Variants in KIF1A observed in about 807,000 individuals in gnomAD.
KIF1A encodes kinesin family member 1A.
Under a neutral mutation model 227.3 loss-of-function variants are expected in KIF1A, and 46 were observed. That is an observed-to-expected ratio of 0.20 (90% CI 0.16 to 0.26). KIF1A has a LOEUF of 0.26. KIF1A is among the 10% of genes least tolerant of loss of function. The pLI, the probability that KIF1A is intolerant of heterozygous loss-of-function variation, is 1.00. For synonymous variants in KIF1A, 1,022 were observed against 1,012.8 expected (o/e 1.01, Z -0.17); for missense variants, 1,683 against 2,485.9 (o/e 0.68, Z 6.87).
intron 1 of KIF1A, among the ~76,000 whole-genome samples, chr2:240,812,860 C>T (rs62187840): frequency 0.03 from 4,293 of 143,936 alleles, no homozygotes; most frequent in Non-Finnish European, 0.047. Context: ...GCCTTCACCT[C>T]GGGGATCAGC....
chr2:240,797,457 C>A (rs1488422716), intron 2 of KIF1A, among the ~76,000 whole-genome samples, 190 bp downstream of exon 2: 2 of 152,168 alleles, frequency 1.3e-5, no homozygotes, highest in African/African-American at 4.8e-5. Flanking sequence ...GCGTAAATCT[C>A]TATTCTTATA....
At chr2:240,807,078 A>ATGTGTGTGTGTG in intron 1 of KIF1A, among the ~76,000 whole-genome samples, 1 of 95,254 alleles carries the variant, frequency 1.0e-5, no homozygotes, top group East Asian at 3.5e-4. Flanking sequence ...CCTCATATAT[A>ATGTGTGTGTGTG]TGTGTGTGTG....
chr2:240,734,652 G>T, intron 38 of KIF1A: 1 of 1,217,230 alleles, frequency 8.2e-7, no homozygotes, highest in Non-Finnish European at 1.1e-6. Context: ...GGCGGTCAGG[G>T]GAGGAGCAGG....
intron 1 of KIF1A, among the ~76,000 whole-genome samples, chr2:240,802,096 G>GAAAAAAAA: frequency 9.8e-6 from 1 of 101,674 alleles, no homozygotes; most frequent in Non-Finnish European, 2.2e-5. Flanking sequence ...AAGTCAGCCA[G>GAAAAAAAA]AAAAAAAAAA....
chr2:240,762,682 T>A, intron 23 of KIF1A, 37 bp downstream of exon 23: 1 of 1,535,912 alleles, frequency 6.5e-7, no homozygotes, highest in Non-Finnish European at 8.8e-7. Flanking sequence ...GCTGAGACCC[T>A]CCTGACGCAG....
At chr2:240,737,266 C>T (rs191143996) in intron 37 of KIF1A, 98 bp from the exon 38 acceptor site, 110 of 890,282 alleles carry the variant, frequency 1.2e-4, no homozygotes, top group Middle Eastern at 4.3e-4. Context: ...AGCCAGCTCC[C>T]CACATGGTCA....
At position 240,757,640 on chromosome 2, in the gene KIF1A, C is replaced by T. The variant is rs751395611; in HGVS notation, c.2583-46G>A. 16 of 1,538,702 alleles carry T rather than the reference C, an allele frequency of 1.0e-5. No homozygotes were observed. In the African/African-American group the frequency reaches 1.2e-4, roughly 12 times the overall value. On this transcript the variant is annotated intron_variant, in intron 26 of 48. Coordinates refer to ENST00000498729, the MANE Select transcript of KIF1A (RefSeq NM_001244008.2). This position sits in a 1 kb window ranked among gnomAD's most constrained non-coding sequence, Gnocchi z 6.2. ...CAGAGAGAAGTTAACACCAGCGACT[C>T]GCAGGGACGAACAGGGGCCGGGGCC... is the stretch of plus-strand genomic sequence containing the variant.
intron 38 of KIF1A, among the ~76,000 whole-genome samples, chr2:240,731,477 A>G (rs1371967805): frequency 3.3e-5 from 5 of 152,200 alleles, no homozygotes; most frequent in Non-Finnish European, 7.4e-5. Context: ...CCACCCCTGA[A>G]GTTGTGCCAG....
rs1240334458 is a variant in KIF1A, at chr2:240,793,025, A to AG, written c.107-3714dup. On this transcript the variant is annotated intron_variant, in intron 2 of 48. Coordinates refer to ENST00000498729, the MANE Select transcript of KIF1A (RefSeq NM_001244008.2). This position sits in a 1 kb window ranked among gnomAD's most constrained non-coding sequence, Gnocchi z 4.8. The stretch of plus-strand genomic sequence containing the variant: ...GACCTCCGAGTCTGGCCTCCAGAAC[A>AG]GGGGGGGGACATTTCTGTCATTTGA... 1.4e-4 allele frequency among the ~76,000 whole-genome samples: 21 copies of AG among 147,396 alleles called. No individual in the cohort carries two copies. The highest frequency in any genetic ancestry group is 3.4e-3 in the Middle Eastern group (1 of 290).
chr2:240,799,314 G>C (rs575021410), intron 1 of KIF1A, among the ~76,000 whole-genome samples: 1 of 152,340 alleles, frequency 6.6e-6, no homozygotes, highest in East Asian at 1.9e-4. Flanking sequence ...CCTGGACCTT[G>C]CCCAGGCCAC....
intron 1 of KIF1A, chr2:240,819,089 C>G (rs546838364): frequency 6.6e-6 from 1 of 152,184 alleles, no homozygotes; most frequent in African/African-American, 2.4e-5. Flanking sequence ...CGGCAGGGCC[C>G]CCCCAACCCC....
At chr2:240,819,874 C>G (rs1295516003) in intron 1 of KIF1A, among the ~76,000 whole-genome samples, 1 of 152,222 alleles carries the variant, frequency 6.6e-6, no homozygotes, top group Admixed American at 6.5e-5. Flanking sequence ...GCAAAGGGAC[C>G]TTTTCCAGCG....
intron 38 of KIF1A, among the ~76,000 whole-genome samples, chr2:240,732,156 AGGGG>A (rs2046756624): frequency 1.1e-4 from 4 of 36,530 alleles, no homozygotes; most frequent in African/African-American, 1.1e-4. Context: ...ATTGGGGAGG[AGGGG>A]AGGAGAGGAT....
chr2:240,757,287 C>T lies in KIF1A; in HGVS notation c.2858+32G>A. On this transcript the variant is annotated intron_variant, in intron 27 of 48. Transcript: ENST00000498729. The surrounding 1 kb of genome is among the most constrained non-coding windows in gnomAD (Gnocchi z 6.2). ...TGCTCCTGTGCAAAAGAGCTGGGTC[C>T]TCCCCAGCATGCTCTCCTCGACCTC... The T allele has an allele frequency of 2.0e-6, 3 of 1,536,998 alleles. No individual in the cohort carries two copies. The highest frequency in any genetic ancestry group is 2.4e-5 in the East Asian group (1 of 40,838).
At chr2:240,762,913 G>T in intron 22 of KIF1A, 101 bp from the exon 23 acceptor site, 1 of 1,377,874 alleles carries the variant, frequency 7.3e-7, no homozygotes. Flanking sequence ...CTGTTTAGAT[G>T]CAAGAGATGG....
chr2:240,787,704 C>T (rs1212338974), intron 4 of KIF1A, among the ~76,000 whole-genome samples: 5 of 152,146 alleles, frequency 3.3e-5, no homozygotes, highest in Non-Finnish European at 7.4e-5. Context: ...TGGTGTTTGG[C>T]CACCCCTGTC....
intron 33 of KIF1A, 104 bp from the exon 34 acceptor site, chr2:240,743,088 C>T: frequency 1.1e-6 from 1 of 870,728 alleles, no homozygotes; most frequent in Non-Finnish European, 1.7e-6. Flanking sequence ...CCGGCCCCTC[C>T]CACCCTCTCT....
intron 18 of KIF1A, 91 bp downstream of exon 18, chr2:240,767,175 C>A: frequency 8.3e-7 from 1 of 1,209,244 alleles, no homozygotes; most frequent in South Asian, 1.3e-5. Context: ...CTCAGTGGCC[C>A]CTCTGCAGAA....
intron 38 of KIF1A, among the ~76,000 whole-genome samples, chr2:240,730,891 G>A (rs1245915371): frequency 6.6e-6 from 1 of 152,164 alleles, no homozygotes; most frequent in Non-Finnish European, 1.5e-5. Flanking sequence ...GCACCCCTGA[G>A]GGCCGCAGCA....
Sources: allele counts gnomAD v4.1 joint callset (sites outside exome capture counted in the v4.1 genomes callset), GRCh38; gene constraint gnomAD v4.1.1; non-coding constraint Gnocchi (gnomAD v3.1); transcripts MANE v1.5; gene names NCBI Gene and HGNC (gene_info 2026-07-23, HGNC 2026-07-21).